Variants in TAX1BP1 observed in about 807,000 individuals in gnomAD.
The protein encoded by TAX1BP1 is Tax1 binding protein 1, also known as tax1-binding protein 1.
A neutral mutation model predicts 97.7 loss-of-function variants in TAX1BP1; 62 were observed. The observed-to-expected ratio is 0.63, with a 90% CI of 0.52 to 0.78. The LOEUF (loss-of-function observed/expected upper bound fraction) is 0.78. Among genes scored for constraint, TAX1BP1 ranks in the 30% least tolerant of loss-of-function variants. The probability of loss-of-function intolerance (pLI) is 0.00; values close to 1 mark genes in which losing one functional copy is unlikely to be tolerated. For synonymous variants in TAX1BP1, 340 were observed against 304.2 expected (o/e 1.12, Z -1.23); for missense variants, 867 against 916.1 (o/e 0.95, Z 0.69).
intron 8 of TAX1BP1, among the ~76,000 whole-genome samples, chr7:27,789,033 A>T (rs1186381017): frequency 6.6e-6 from 1 of 151,996 alleles, no homozygotes; most frequent in African/African-American, 2.4e-5. Context: ...CTTGTTTCCC[A>T]AACATCATTA....
At chr7:27,741,456 A>G (rs1464225251) in intron 1 of TAX1BP1, among the ~76,000 whole-genome samples, 3 of 151,034 alleles carry the variant, frequency 2.0e-5, no homozygotes, top group East Asian at 1.9e-4. Context: ...TGATTGTTCA[A>G]CTTCAAAGAA....
Position 27,791,029 on chromosome 7 carries a change from G to A in TAX1BP1, c.1039-977G>A, listed in dbSNP as rs78637516. On this transcript the variant is annotated intron_variant, in intron 8 of 16. Coordinates refer to ENST00000396319, the MANE Select transcript of TAX1BP1 (RefSeq NM_006024.7). ...TTGTTTCTCCTTATTGACTAGAAAA[G>A]TTATTTATATCAAGTATTATTATAC... 6.8e-3 allele frequency among the ~76,000 whole-genome samples: 1,033 copies of A among 152,116 alleles called. 14 individuals are homozygous for A. The highest frequency in any genetic ancestry group is 0.024 in the African/African-American group (979 of 41,520).
chr7:27,787,158 G>T (rs1462102988), intron 7 of TAX1BP1, among the ~76,000 whole-genome samples: 1 of 152,088 alleles, frequency 6.6e-6, no homozygotes, highest in African/African-American at 2.4e-5. Context: ...TTAAATCAAA[G>T]GAAAAGACTT....
chr7:27,822,484 A>G (rs1246635778), intron 15 of TAX1BP1, among the ~76,000 whole-genome samples: 1 of 152,154 alleles, frequency 6.6e-6, no homozygotes, highest in African/African-American at 2.4e-5. Flanking sequence ...GCATGACTCT[A>G]CATTCCCATC....
chr7:27,748,555 A>C lies in TAX1BP1; in HGVS notation c.31A>C (p.Thr11Pro). Residue 11 changes from threonine to proline, a missense_variant, in exon 2 of 17, where the codon ACT (threonine) becomes CCT (proline). This residue lies in a region of TAX1BP1 where 822 missense variants were observed against 851.4 expected (regional missense o/e 0.97). Coordinates refer to ENST00000396319, the MANE Select transcript of TAX1BP1 (RefSeq NM_006024.7). Reference protein sequence around the residue: MTSFQEVPLQTSNFAHVIFQN... With the variant: MTSFQEVPLQPSNFAHVIFQN... ...ATCCTTTCAAGAAGTCCCATTGCAG[A>C]CTTCCAACTTTGCCCATGTCATCTT... is the stretch of plus-strand genomic sequence containing the variant. 1 of 1,600,188 alleles carries C rather than the reference A, an allele frequency of 6.2e-7. No individual in the cohort carries two copies. Among genetic ancestry groups the C allele is most frequent in the South Asian group, 1.1e-5 (1 of 87,934 alleles).
Position 27,748,629 on chromosome 7 carries a change from T to C in TAX1BP1, c.105T>C (p.His35=). The C allele has an allele frequency of 6.2e-7, 1 of 1,601,266 alleles. No homozygotes were observed. The highest frequency in any genetic ancestry group is 1.7e-4 in the Middle Eastern group (1 of 6,006). ...TTCCTAATGCACACCTGGAATGTCA[T>C]TACACCTTAACTCCATATATTCATC... ...SYLPNAHLEC[H]YTLTPYIHPH... Residue 35 remains histidine (H), a synonymous_variant, in exon 2 of 17, where the codon CAT becomes CAC. Coordinates refer to ENST00000396319, the MANE Select transcript of TAX1BP1 (RefSeq NM_006024.7).
At position 27,774,247 on chromosome 7, in the gene TAX1BP1, G is replaced by A. The variant is rs562973084; in HGVS notation, c.612+4413G>A. Among the ~76,000 whole-genome samples the A allele has an allele frequency of 2.0e-5, 3 of 152,130 alleles. No homozygotes were observed. The South Asian group carries it at 6.2e-4, about 32-fold the overall frequency. The stretch of plus-strand genomic sequence containing the variant: ...CTTCTCTAAAACGTAAAGATATTTT[G>A]TGTTGTTGTAGAGTGACAGCATATA... On this transcript the variant is annotated intron_variant, in intron 5 of 16. Coordinates refer to ENST00000396319, the MANE Select transcript of TAX1BP1 (RefSeq NM_006024.7).
intron 9 of TAX1BP1, 109 bp downstream of exon 9, chr7:27,792,339 A>T (rs1257443040): frequency 7.8e-6 from 8 of 1,020,928 alleles, no homozygotes. Context: ...GCCTTATTTT[A>T]AATTTAAAAT....
At chr7:27,745,878 A>G (rs1239881211) in intron 1 of TAX1BP1, among the ~76,000 whole-genome samples, 2 of 151,996 alleles carry the variant, frequency 1.3e-5, no homozygotes, top group African/African-American at 4.8e-5. Flanking sequence ...ATCCCTTATA[A>G]GACTATTAAC....
chr7:27,740,657 A>G (rs1374339503), intron 1 of TAX1BP1, among the ~76,000 whole-genome samples: 2 of 152,020 alleles, frequency 1.3e-5, no homozygotes, highest in Non-Finnish European at 2.9e-5. Context: ...CTCTGGGGTG[A>G]CTGTTTTGAG....
chr7:27,800,033 A>G lies in TAX1BP1; in HGVS notation c.1707A>G (p.Gln569=), dbSNP rs1333746317. ...LAKMELKWKE[Q]VKIAENVKLE... The stretch of plus-strand genomic sequence containing the variant: ...AAATGGAGCTGAAATGGAAAGAACA[A>G]GTGAAAATTGCTGAAAATGTAAAAC... The change falls in exon 13 of 17, where the codon CAA becomes CAG. Residue 569 remains glutamine (Q), a synonymous_variant. Coordinates refer to ENST00000396319, the MANE Select transcript of TAX1BP1 (RefSeq NM_006024.7). 1.1e-5 allele frequency: 17 copies of G among 1,605,228 alleles called. No homozygotes were observed. The Admixed American group carries it at 2.9e-4, about 27-fold the overall frequency.
chr7:27,777,848 A>G (rs974550338), intron 5 of TAX1BP1, among the ~76,000 whole-genome samples: 3 of 152,176 alleles, frequency 2.0e-5, no homozygotes, highest in African/African-American at 7.2e-5. Flanking sequence ...TTCAGGGATC[A>G]CTGACCTTTT....
At chr7:27,805,139 C>T (rs139547296) in intron 13 of TAX1BP1, among the ~76,000 whole-genome samples, 35 of 152,294 alleles carry the variant, frequency 2.3e-4, no homozygotes, top group African/African-American at 8.2e-4. Context: ...TTTCCACCAG[C>T]AATGTATGAG....
At chr7:27,817,112 G>GAAAAAAA in intron 15 of TAX1BP1, 74 bp downstream of exon 15, 1 of 1,520,968 alleles carries the variant, frequency 6.6e-7, no homozygotes, top group Non-Finnish European at 8.8e-7. Context: ...AAGGGTATGT[G>GAAAAAAA]TGCATATGTG....
In TAX1BP1 at chr7:27,787,494, A is replaced by G; in HGVS notation, c.929A>G (p.Asn310Ser). ...CAGACTTTAAAAAATTTAGATGGGA[A>G]CAAAGAAAGCGTGATTACTCATTTC... ...EVQTLKNLDG[N>S]KESVITHFKE... Residue 310 changes from asparagine (N) to serine (S), a missense_variant, in exon 8 of 17, where the codon AAC becomes AGC. Physicochemically the swap from Asn to Ser is conservative, Grantham distance 46 (BLOSUM62 1). Transcript: ENST00000396319. The G allele has an allele frequency of 2.5e-6, 4 of 1,613,710 alleles. No homozygotes were observed. The highest frequency in any genetic ancestry group is 3.4e-6 in the Non-Finnish European group (4 of 1,179,750).
In TAX1BP1 at chr7:27,792,221, A is replaced by G. The variant is rs1036999849; in HGVS notation, c.1254A>G (p.Lys418=). Residue 418 remains lysine (K), a synonymous_variant, in exon 9 of 17, where the codon AAA becomes AAG. Coordinates refer to ENST00000396319, the MANE Select transcript of TAX1BP1 (RefSeq NM_006024.7). ...AVAELKLNAM[K]KDQDKTDTLE... is the part of the protein sequence containing the mutation. ...CAGAACTTAAACTAAATGCTATGAA[A>G]AAAGATCAGGTAAAACAAGTTAATT... The G allele has an allele frequency of 6.2e-7, 1 of 1,607,630 alleles. No homozygotes were observed. The highest frequency in any genetic ancestry group is 8.5e-7 in the Non-Finnish European group (1 of 1,176,536).
intron 13 of TAX1BP1, chr7:27,803,013 G>A: frequency 1.7e-6 from 2 of 1,171,896 alleles, no homozygotes; most frequent in Non-Finnish European, 2.3e-6. Flanking sequence ...TTAGTAATAG[G>A]AATTATTTTC....
At chr7:27,794,109 A>C (rs536776589) in intron 10 of TAX1BP1, among the ~76,000 whole-genome samples, 1 of 152,364 alleles carries the variant, frequency 6.6e-6, no homozygotes, top group East Asian at 1.9e-4. Flanking sequence ...AAGAAAAAGC[A>C]AAATATAGTA....
chr7:27,771,061 A>T (rs989990375), intron 5 of TAX1BP1, among the ~76,000 whole-genome samples: 14 of 142,452 alleles, frequency 9.8e-5, no homozygotes, highest in Non-Finnish European at 2.1e-4. Context: ...AAAATCTCAT[A>T]ATATGTGCCC....
Sources: allele counts gnomAD v4.1 joint callset (sites outside exome capture counted in the v4.1 genomes callset), GRCh38; gene constraint gnomAD v4.1.1; regional missense constraint gnomAD v4.1.1; transcripts MANE v1.5; gene names NCBI Gene and HGNC (gene_info 2026-07-23, HGNC 2026-07-21).